The following ZDHHC15 variants were observed in gnomAD, a reference collection of about 807,000 sequenced individuals.
The protein encoded by ZDHHC15 is zDHHC palmitoyltransferase 15.
ZDHHC15 carries 19 observed loss-of-function variants against 31.7 expected under a neutral mutation model. The observed-to-expected ratio is 0.60, with a 90% CI of 0.42 to 0.88. The LOEUF (loss-of-function observed/expected upper bound fraction) is 0.88, where lower values mean the gene tolerates loss of function less well. Among genes scored for constraint, ZDHHC15 ranks in the 40% least tolerant of loss-of-function variants. The pLI is 0.00. For missense variants in ZDHHC15, 209 were observed against 251.2 expected, an observed-to-expected ratio of 0.83 and a Z score of 1.14; for synonymous variants, 103 against 90.0, an observed-to-expected ratio of 1.14 and a Z score of -0.82.
At chrX:75,481,488 T>TATGAA (rs1382939796) in intron 2 of ZDHHC15, among the ~76,000 whole-genome samples, 3 of 112,173 alleles carry the variant, frequency 2.7e-5, no homozygotes, top group African/African-American at 9.7e-5. Context: ...CTCCCATTCC[T>TATGAA]ACATTACAAG....
At chrX:75,516,007 C>G (rs959687229) in intron 1 of ZDHHC15, among the ~76,000 whole-genome samples, 1 of 111,100 alleles carries the variant, frequency 9.0e-6, no homozygotes. Context: ...GAATAAAATA[C>G]CTAGGAATCC....
intron 1 of ZDHHC15, among the ~76,000 whole-genome samples, chrX:75,515,051 A>T (rs2085334330): frequency 9.0e-6 from 1 of 111,615 alleles, no homozygotes; most frequent in Non-Finnish European, 1.9e-5. Flanking sequence ...TGAATAGACC[A>T]ATAACAGGCT....
Position 75,369,434 on chromosome X carries a change from C to T in ZDHHC15, c.*3544G>A, listed in dbSNP as rs1310587568. On this transcript the variant is annotated 3_prime_UTR_variant, in exon 12 of 12. Coordinates refer to ENST00000373367, the MANE Select transcript of ZDHHC15 (RefSeq NM_144969.3). ...CTGTTACATTCCTATGAATTTGGGC[C>T]CTGTTAAATTAATTTTAGGTTCATG... 9 of 110,038 alleles carry T rather than the reference C, an allele frequency of 8.2e-5. No homozygotes were observed. Among genetic ancestry groups the T allele is most frequent in the Middle Eastern group, 4.7e-3 (1 of 215 alleles). The allele number at this position is 110,038 out of a possible 1,213,427, so 9.1% of individuals were successfully genotyped here. A position where few individuals can be genotyped will look rare whatever the true frequency, so the allele number is the denominator to read the frequency against.
At chrX:75,496,901 GCAAA>G (rs1358538180) in intron 2 of ZDHHC15, among the ~76,000 whole-genome samples, 2 of 110,575 alleles carry the variant, frequency 1.8e-5, no homozygotes, top group Non-Finnish European at 3.8e-5. Flanking sequence ...TCTGAAGAGT[GCAAA>G]CAAACAATCT....
At chrX:75,463,855 A>G (rs1327289191) in intron 3 of ZDHHC15, among the ~76,000 whole-genome samples, 2 of 112,175 alleles carry the variant, frequency 1.8e-5, no homozygotes, top group Admixed American at 9.4e-5. Flanking sequence ...AACTAGTTCA[A>G]CCATTATGGA....
chrX:75,417,849 C>T (rs1264513314), intron 9 of ZDHHC15, among the ~76,000 whole-genome samples: 3 of 111,869 alleles, frequency 2.7e-5, no homozygotes, highest in Admixed American at 9.5e-5. Flanking sequence ...CTAGAAGAGG[C>T]TACAGTTTGA....
At chrX:75,450,186 T>C (rs764138043) in intron 4 of ZDHHC15, among the ~76,000 whole-genome samples, 1 of 112,080 alleles carries the variant, frequency 8.9e-6, no homozygotes, top group East Asian at 2.8e-4. Flanking sequence ...CAAGAGTATG[T>C]ACTCTGTGAT....
chrX:75,515,835 C>T (rs1440027991), intron 1 of ZDHHC15, among the ~76,000 whole-genome samples: 2 of 111,768 alleles, frequency 1.8e-5, no homozygotes, highest in African/African-American at 3.3e-5. Flanking sequence ...TTAGAAAACC[C>T]CATCATCTCA....
At chrX:75,494,777 T>G (rs1426511925) in intron 2 of ZDHHC15, among the ~76,000 whole-genome samples, 1 of 112,110 alleles carries the variant, frequency 8.9e-6, no homozygotes, top group Non-Finnish European at 1.9e-5. Flanking sequence ...TATACAAAAA[T>G]TAATTCAAGA....
In ZDHHC15 at chrX:75,488,284, A is replaced by G. The variant is rs1013763439; in HGVS notation, c.164-9299T>C. Reference sequence around the variant, plus strand: ...CCTGTGAGGCAGAAGCACCAGGTAAACTATAAAGAAAAACCTAGCAGATTA... The same window carrying G: ...CCTGTGAGGCAGAAGCACCAGGTAAGCTATAAAGAAAAACCTAGCAGATTA... On this transcript the variant is annotated intron_variant, in intron 2 of 11. Coordinates refer to ENST00000373367, the MANE Select transcript of ZDHHC15 (RefSeq NM_144969.3). Among the ~76,000 whole-genome samples, 7 of 112,060 alleles carry G rather than the reference A, an allele frequency of 6.2e-5. No individual in the cohort carries two copies. The Admixed American group carries it at 6.6e-4, about 11-fold the overall frequency.
chrX:75,417,333 A>G (rs1327347241), intron 9 of ZDHHC15, 143 bp from the exon 10 acceptor site: 3 of 380,478 alleles, frequency 7.9e-6, no homozygotes, highest in Non-Finnish European at 1.4e-5. Context: ...CTCTTACAAT[A>G]GCATTATTTA....
intron 8 of ZDHHC15, among the ~76,000 whole-genome samples, chrX:75,423,309 C>A (rs1213504034): frequency 9.3e-6 from 1 of 107,073 alleles, no homozygotes; most frequent in Non-Finnish European, 1.9e-5. Context: ...AGCATAGTAC[C>A]CGAGTGAATT....
Position 75,417,175 on chromosome X carries a change from G to A in ZDHHC15, c.879C>T (p.His293=). The change falls in exon 10 of 12, where the codon CAC becomes CAT. Residue 293 remains histidine, a synonymous_variant. Coordinates refer to ENST00000373367, the MANE Select transcript of ZDHHC15 (RefSeq NM_144969.3). ...CATTCATAGACCTCATAGGGAAGGA[G>A]TGTCCATCACCAGGGCTGATGGGAA... The part of the protein sequence containing the change: ...IPIGSSPGDG[H]SFPMRSMNES... The A allele has an allele frequency of 8.3e-7, 1 of 1,204,081 alleles. No individual in the cohort carries two copies.
intron 10 of ZDHHC15, among the ~76,000 whole-genome samples, chrX:75,411,493 C>A (rs1381675421): frequency 8.9e-6 from 1 of 112,303 alleles, no homozygotes; most frequent in African/African-American, 3.2e-5. Flanking sequence ...ATTACAGGCG[C>A]GAGCCACCGC....
At chrX:75,416,422 A>T (rs1317163111) in intron 10 of ZDHHC15, among the ~76,000 whole-genome samples, 1 of 112,226 alleles carries the variant, frequency 8.9e-6, no homozygotes. Context: ...TATTAGCAAC[A>T]TAAGTAAATG....
At chrX:75,518,976 T>C (rs914315337) in intron 1 of ZDHHC15, among the ~76,000 whole-genome samples, 2 of 108,069 alleles carry the variant, frequency 1.9e-5, no homozygotes, top group African/African-American at 6.7e-5. Context: ...TGATTCTATT[T>C]ATATGGAACA....
intron 10 of ZDHHC15, among the ~76,000 whole-genome samples, chrX:75,415,804 A>C (rs183166805): frequency 6.2e-5 from 7 of 112,701 alleles, no homozygotes; most frequent in African/African-American, 2.3e-4. Flanking sequence ...TCAAAATATA[A>C]CCTCTTTATG....
chrX:75,395,060 A>G (rs1602558907), intron 10 of ZDHHC15, among the ~76,000 whole-genome samples: 1 of 111,783 alleles, frequency 8.9e-6, no homozygotes, highest in Admixed American at 9.5e-5. Context: ...AACAAGAGGA[A>G]GTTTGGAAAG....
intron 10 of ZDHHC15, among the ~76,000 whole-genome samples, chrX:75,392,316 C>A (rs2083253191): frequency 8.9e-6 from 1 of 111,934 alleles, no homozygotes; most frequent in African/African-American, 3.2e-5. Context: ...TCACATTTTT[C>A]TGTCTGCTTA....
Sources: gnomAD v4.1 joint callset for allele counts (sites outside exome capture counted in the v4.1 genomes callset) on GRCh38, gnomAD v4.1.1 for gene constraint, MANE v1.5 for transcripts, NCBI Gene and HGNC (gene_info 2026-07-23, HGNC 2026-07-21) for gene names.